The following RNF144B variants were observed in gnomAD, a reference collection of about 807,000 sequenced individuals.
The protein encoded by RNF144B is E3 ubiquitin-protein ligase RNF144B.
RNF144B carries 25 observed loss-of-function variants against 40.2 expected under a neutral mutation model. That is an observed-to-expected ratio of 0.62 (90% CI 0.45 to 0.87). The LOEUF (loss-of-function observed/expected upper bound fraction) is 0.87. Among genes scored for constraint, RNF144B ranks in the 40% least tolerant of loss-of-function variants. The pLI is 0.00. For missense variants in RNF144B, 365 were observed against 373.7 expected, an observed-to-expected ratio of 0.98 and a Z score of 0.19; for synonymous variants, 145 against 136.3, an observed-to-expected ratio of 1.06 and a Z score of -0.44.
intron 1 of RNF144B, among the ~76,000 whole-genome samples, 199 bp from the exon 2 acceptor site, chr6:18,399,300 C>A (rs1794750779): frequency 6.6e-6 from 1 of 152,080 alleles, no homozygotes. Context: ...ACAGTGAGGT[C>A]AGCTTACATT....
intron 4 of RNF144B, among the ~76,000 whole-genome samples, chr6:18,454,298 G>C (rs1471702551): frequency 1.3e-5 from 2 of 152,190 alleles, no homozygotes; most frequent in Non-Finnish European, 2.9e-5. Context: ...TTGTGGGAAA[G>C]AATATCTCTA....
rs1305765817 is a variant in RNF144B, at chr6:18,468,145, G to A, written c.*3078G>A. The A allele has an allele frequency of 1.3e-5, 2 of 152,182 alleles. No homozygotes were observed. The highest frequency in any genetic ancestry group is 4.8e-5 in the African/African-American group (2 of 41,436). 9.4% of individuals were successfully genotyped at this position (152,182 alleles called of 1,614,324 possible). A position where few individuals can be genotyped will look rare whatever the true frequency, so the allele number is the denominator to read the frequency against. On this transcript the variant is annotated 3_prime_UTR_variant, in exon 8 of 8. Transcript: ENST00000259939. ...TGGCAAGAATCTTTTTGTGTTTGGA[G>A]TGTAGTCCATTTGCAATAGAAATAA...
chr6:18,387,375 A>G lies in RNF144B; in HGVS notation c.-292A>G, dbSNP rs1794467332. ...GAGCTGTGCCCCACGCTCCCGCTGC[A>G]ACAGTCCCGGGCATCGCAGCTGCCA... On this transcript the variant is annotated 5_prime_UTR_variant, in exon 1 of 8. Coordinates refer to ENST00000259939, the MANE Select transcript of RNF144B (RefSeq NM_182757.4). 3.5e-6 allele frequency: 4 copies of G among 1,159,356 alleles called. No homozygotes were observed. The highest frequency in any genetic ancestry group is 4.3e-6 in the Non-Finnish European group (4 of 924,524). 71.8% of individuals were successfully genotyped at this position (1,159,356 alleles called of 1,614,324 possible).
At chr6:18,431,048 C>T (rs6928268) in intron 3 of RNF144B, among the ~76,000 whole-genome samples, 18,305 of 151,846 alleles carry the variant, frequency 0.12, 1,322 homozygotes, top group Admixed American at 0.19. Flanking sequence ...CGAGACCATC[C>T]GGGCTAACAC....
rs1454884391 is a variant in RNF144B, at chr6:18,405,610, T to C, written c.165+5911T>C. On this transcript the variant is annotated intron_variant, in intron 2 of 7. Coordinates refer to ENST00000259939, the MANE Select transcript of RNF144B (RefSeq NM_182757.4). The surrounding 1 kb of genome is among the most constrained non-coding windows in gnomAD (Gnocchi z 4.5). Reference sequence around the variant, plus strand: ...ATTAAGAGATTTAATGACAATACTATGGTGACTTTTGTATTTATTGGTCAA... The same window carrying C: ...ATTAAGAGATTTAATGACAATACTACGGTGACTTTTGTATTTATTGGTCAA... Among the ~76,000 whole-genome samples the C allele has an allele frequency of 1.3e-5, 2 of 152,236 alleles. No individual in the cohort carries two copies. Among genetic ancestry groups the C allele is most frequent in the Non-Finnish European group, 2.9e-5 (2 of 68,040 alleles).
chr6:18,459,800 C>A lies in RNF144B; in HGVS notation c.681+49C>A. ...TATGGTGTTTCCTATACTGTATCTG[C>A]ACCACAGCTGATATCCTACAGATTT... On this transcript the variant is annotated intron_variant, in intron 6 of 7. Coordinates refer to ENST00000259939, the MANE Select transcript of RNF144B (RefSeq NM_182757.4). The surrounding 1 kb of genome is among the most constrained non-coding windows in gnomAD (Gnocchi z 4.2). 1 of 1,522,472 alleles carries A rather than the reference C, an allele frequency of 6.6e-7. No individual in the cohort carries two copies. Among genetic ancestry groups the A allele is most frequent in the South Asian group, 1.2e-5 (1 of 82,466 alleles). 94.3% of individuals were successfully genotyped at this position (1,522,472 alleles called of 1,614,324 possible). A position where few individuals can be genotyped will look rare whatever the true frequency, so the allele number is the denominator to read the frequency against.
In RNF144B at chr6:18,419,909, G is replaced by T. The variant is rs1795221926; in HGVS notation, c.166-7672G>T. 6.6e-6 allele frequency among the ~76,000 whole-genome samples: 1 copy of T among 152,162 alleles called. No homozygotes were observed. The highest frequency in any genetic ancestry group is 1.5e-5 in the Non-Finnish European group (1 of 68,022). On this transcript the variant is annotated intron_variant, in intron 2 of 7. Coordinates refer to ENST00000259939, the MANE Select transcript of RNF144B (RefSeq NM_182757.4). The surrounding 1 kb of genome is among the most constrained non-coding windows in gnomAD (Gnocchi z 4.6). The stretch of plus-strand genomic sequence containing the variant: ...CAAGTATAGACAGGACAAAATTCAA[G>T]ACATAGGAAAGAAAACAGGTAATGA...
At position 18,399,717 on chromosome 6, in the gene RNF144B, C is replaced by T. The variant is rs966450034; in HGVS notation, c.165+18C>T. 1 of 1,586,440 alleles carries T rather than the reference C, an allele frequency of 6.3e-7. No homozygotes were observed. Among genetic ancestry groups the T allele is most frequent in the South Asian group, 1.1e-5 (1 of 90,074 alleles). On this transcript the variant is annotated intron_variant, in intron 2 of 7. Coordinates refer to ENST00000259939, the MANE Select transcript of RNF144B (RefSeq NM_182757.4). The stretch of plus-strand genomic sequence containing the variant: ...GCACAGCTGTGAGTTTTCCTTGATG[C>T]TTTCACTATGAGAAAATACAAAGGG...
chr6:18,388,193 A>G (rs575153300), intron 1 of RNF144B, among the ~76,000 whole-genome samples: 1 of 152,280 alleles, frequency 6.6e-6, no homozygotes, highest in African/African-American at 2.4e-5. Flanking sequence ...ATTTCCCAGA[A>G]ATTAATTCCC....
intron 2 of RNF144B, among the ~76,000 whole-genome samples, chr6:18,411,486 TATATATATA>T (rs1196002686): frequency 0.02 from 745 of 36,778 alleles, 27 homozygotes; most frequent in Non-Finnish European, 0.025. Flanking sequence ...TATATATATA[TATATATATA>T]TATTTTTTTT....
At chr6:18,433,869 T>G (rs995802532) in intron 3 of RNF144B, among the ~76,000 whole-genome samples, 5 of 152,204 alleles carry the variant, frequency 3.3e-5, no homozygotes, top group African/African-American at 1.2e-4. Context: ...GTTCTCTGCG[T>G]TGTGAAAACA....
Position 18,432,215 on chromosome 6 carries a change from C to T in RNF144B, c.270+4530C>T, listed in dbSNP as rs148236966. Among the ~76,000 whole-genome samples, 406 of 152,308 alleles carry T rather than the reference C, an allele frequency of 2.7e-3. 3 individuals carry two copies. Among genetic ancestry groups the T allele is most frequent in the African/African-American group, 9.3e-3 (388 of 41,558 alleles). ...CCCCATTTTATATCAGAGACTTAAG[C>T]ATCTGAAGATTTTGGTATCTGCGGG... is the stretch of plus-strand genomic sequence containing the variant. On this transcript the variant is annotated intron_variant, in intron 3 of 7. Coordinates refer to ENST00000259939, the MANE Select transcript of RNF144B (RefSeq NM_182757.4).
At chr6:18,397,479 C>T (rs1794716486) in intron 1 of RNF144B, among the ~76,000 whole-genome samples, 1 of 151,994 alleles carries the variant, frequency 6.6e-6, no homozygotes, top group South Asian at 2.1e-4. Context: ...ATGAAATTTC[C>T]AGATGTGATA....
chr6:18,396,591 C>G (rs1794699054), intron 1 of RNF144B: 2 of 985,136 alleles, frequency 2.0e-6, no homozygotes, highest in African/African-American at 3.5e-5. Flanking sequence ...CCCTTTTTCT[C>G]CTACTCAGGA....
rs1759075501 is a variant in RNF144B, at chr6:18,446,118, G to C, written c.331+6374G>C. On this transcript the variant is annotated intron_variant, in intron 4 of 7. Transcript: ENST00000259939. This position sits in a 1 kb window ranked among gnomAD's most constrained non-coding sequence, Gnocchi z 4.7. Reference sequence around the variant, plus strand: ...TTCCTTTTAGCTTGGGTTCTGTGTAGTCCTGTTAGATGCCAGGGCTGCTGA... The same window carrying C: ...TTCCTTTTAGCTTGGGTTCTGTGTACTCCTGTTAGATGCCAGGGCTGCTGA... 6.6e-6 allele frequency among the ~76,000 whole-genome samples: 1 copy of C among 152,156 alleles called. No homozygotes were observed. The highest frequency in any genetic ancestry group is 2.1e-4 in the South Asian group (1 of 4,832).
chr6:18,394,652 A>G (rs1794657131), intron 1 of RNF144B, among the ~76,000 whole-genome samples: 2 of 151,502 alleles, frequency 1.3e-5, no homozygotes, highest in East Asian at 1.9e-4. Context: ...CTCTCCCATC[A>G]TTTGCATTTT....
chr6:18,396,252 A>G (rs1238157179), intron 1 of RNF144B: 2 of 435,660 alleles, frequency 4.6e-6, no homozygotes, highest in Non-Finnish European at 6.1e-6. Flanking sequence ...TTTCTAAGAA[A>G]TATCTAATTA....
rs1759376794 is a variant in RNF144B, at chr6:18,458,346, A to G, written c.536+987A>G. On this transcript the variant is annotated intron_variant, in intron 5 of 7. Coordinates refer to ENST00000259939, the MANE Select transcript of RNF144B (RefSeq NM_182757.4). This position sits in a 1 kb window ranked among gnomAD's most constrained non-coding sequence, Gnocchi z 4.8. ...TGTTCTGCATCAGCAAGAACAAAATACGAGTGTTGTAATCCCATTGGCTTA... is the reference window on the plus strand; with the variant it reads ...TGTTCTGCATCAGCAAGAACAAAATGCGAGTGTTGTAATCCCATTGGCTTA... 6.6e-6 allele frequency among the ~76,000 whole-genome samples: 1 copy of G among 152,212 alleles called. No homozygotes were observed. The highest frequency in any genetic ancestry group is 2.4e-5 in the African/African-American group (1 of 41,462).
intron 3 of RNF144B, among the ~76,000 whole-genome samples, chr6:18,432,503 G>A (rs1758716424): frequency 6.6e-6 from 1 of 152,238 alleles, no homozygotes; most frequent in Non-Finnish European, 1.5e-5. Context: ...TGTCCAACAT[G>A]AAATTATGAG....
Sources: allele counts gnomAD v4.1 joint callset (sites outside exome capture counted in the v4.1 genomes callset), GRCh38; gene constraint gnomAD v4.1.1; non-coding constraint Gnocchi (gnomAD v3.1); transcripts MANE v1.5; gene names NCBI Gene and HGNC (gene_info 2026-07-23, HGNC 2026-07-21).